The following TMEM117 variants were observed in gnomAD, a reference collection of about 807,000 sequenced individuals.
The protein encoded by TMEM117 is transmembrane protein 117.
In TMEM117, 27 loss-of-function variants were observed where a neutral mutation model predicts 52.4. The observed-to-expected ratio is 0.51, with a 90% CI of 0.38 to 0.71. TMEM117 has a LOEUF of 0.71. TMEM117 is among the 30% of genes least tolerant of loss of function. The pLI, the probability that TMEM117 is intolerant of heterozygous loss-of-function variation, is 0.00. For synonymous variants in TMEM117, 215 were observed against 206.3 expected (o/e 1.04, Z -0.36); for missense variants, 556 against 630.5 (o/e 0.88, Z 1.26).
chr12:44,312,404 C>T (rs375862570), intron 6 of TMEM117, among the ~76,000 whole-genome samples: 15 of 151,996 alleles, frequency 9.9e-5, no homozygotes, highest in East Asian at 5.8e-4. Context: ...GGATGACGGC[C>T]TTCAGATGAA....
At position 44,095,597 on chromosome 12, in the gene TMEM117, A is replaced by G. The variant is rs566079131; in HGVS notation, c.411-47928A>G. ...AAGTAGGCCTTTAGATTCAAGAGAAAGTTGCAGAGAAAAAGCCTGGAAGAT... is the reference window on the plus strand; with the variant it reads ...AAGTAGGCCTTTAGATTCAAGAGAAGGTTGCAGAGAAAAAGCCTGGAAGAT... On this transcript the variant is annotated intron_variant, in intron 3 of 7. Coordinates refer to ENST00000266534, the MANE Select transcript of TMEM117 (RefSeq NM_032256.3). 2.9e-4 allele frequency among the ~76,000 whole-genome samples: 44 copies of G among 152,214 alleles called. 3 individuals carry two copies. The South Asian group carries it at 9.1e-3, about 32-fold the overall frequency.
intron 3 of TMEM117, among the ~76,000 whole-genome samples, chr12:43,986,753 T>G (rs2137736911): frequency 6.6e-6 from 1 of 152,288 alleles, no homozygotes; most frequent in East Asian, 1.9e-4. Flanking sequence ...TTTCTCTTAA[T>G]CATTCTGTCT....
chr12:44,118,040 A>T (rs1444567822), intron 3 of TMEM117, among the ~76,000 whole-genome samples: 1 of 146,390 alleles, frequency 6.8e-6, no homozygotes, highest in African/African-American at 2.5e-5. Context: ...TTCTTTATTA[A>T]AAAAAAAACA....
At chr12:44,059,014 A>T (rs1371315504) in intron 3 of TMEM117, among the ~76,000 whole-genome samples, 2 of 152,166 alleles carry the variant, frequency 1.3e-5, no homozygotes, top group African/African-American at 4.8e-5. Flanking sequence ...TTAGATCATC[A>T]GGCATTAGTT....
At chr12:43,824,909 G>C in the TMEM117 span, among the ~76,000 whole-genome samples, 6 of 152,216 alleles carry the variant, frequency 3.9e-5, no homozygotes, top group African/African-American at 1.4e-4. Flanking sequence ...ACCCCAGCCT[G>C]GGCGACAGAG....
chr12:44,124,193 A>C (rs555345407), intron 3 of TMEM117, among the ~76,000 whole-genome samples: 5 of 151,938 alleles, frequency 3.3e-5, no homozygotes, highest in Non-Finnish European at 5.9e-5. Flanking sequence ...TTTGTGATTC[A>C]GCTTTCCACT....
chr12:44,355,738 T>G (rs1951638564), intron 6 of TMEM117, among the ~76,000 whole-genome samples: 1 of 151,980 alleles, frequency 6.6e-6, no homozygotes, highest in Non-Finnish European at 1.5e-5. Flanking sequence ...CACTGAAGAC[T>G]CCTGCTTTGT....
chr12:44,343,687 TAC>T (rs1307634359), intron 6 of TMEM117, among the ~76,000 whole-genome samples: 1 of 152,158 alleles, frequency 6.6e-6, no homozygotes, highest in African/African-American at 2.4e-5. Context: ...TATTAAATTA[TAC>T]ACTTAAAAAT....
In TMEM117 at chr12:44,225,571, A is replaced by G. The variant is rs140213701; in HGVS notation, c.608+14184A>G. 2.3e-3 allele frequency among the ~76,000 whole-genome samples: 351 copies of G among 152,314 alleles called. 11 individuals carry two copies. In the East Asian group the frequency reaches 0.034, roughly 15 times the overall value. On this transcript the variant is annotated intron_variant, in intron 5 of 7. Transcript: ENST00000266534. ...TGAATTCTAATTTCACACCTACATT[A>G]TATGAAGATACTTTTATCATTTTTC...
Position 44,388,609 on chromosome 12 carries a change from A to G in TMEM117, c.1482A>G (p.Glu494=), listed in dbSNP as rs1204472757. ...TSENLSSQLN[E]STSATEADQD... ...AAAACTTGAGCTCACAGTTGAACGAATCTACTAGTGCAACAGAAGCTGATC... is the reference window on the plus strand; with the variant it reads ...AAAACTTGAGCTCACAGTTGAACGAGTCTACTAGTGCAACAGAAGCTGATC... Residue 494 remains glutamate, a synonymous_variant, in exon 8 of 8, where the codon GAA becomes GAG. Transcript: ENST00000266534. 1.9e-6 allele frequency: 3 copies of G among 1,613,404 alleles called. No homozygotes were observed. The highest frequency in any genetic ancestry group is 2.5e-6 in the Non-Finnish European group (3 of 1,179,584).
At chr12:44,117,122 C>G (rs1265734417) in intron 3 of TMEM117, among the ~76,000 whole-genome samples, 3 of 152,172 alleles carry the variant, frequency 2.0e-5, no homozygotes, top group Non-Finnish European at 4.4e-5. Flanking sequence ...CTCTAACTCC[C>G]TAGTTTTCCA....
At chr12:44,224,503 GTCT>G (rs925878568) in intron 5 of TMEM117, among the ~76,000 whole-genome samples, 8 of 149,598 alleles carry the variant, frequency 5.3e-5, no homozygotes, top group South Asian at 2.1e-4. Context: ...TGCTTTCTTT[GTCT>G]TCTTCTTCTC....
intron 5 of TMEM117, among the ~76,000 whole-genome samples, chr12:44,221,247 G>A (rs1949784643): frequency 6.6e-6 from 1 of 152,062 alleles, no homozygotes; most frequent in Non-Finnish European, 1.5e-5. Context: ...TTAAAATACT[G>A]TATCCTAGTT....
intron 4 of TMEM117, among the ~76,000 whole-genome samples, chr12:44,192,118 A>G (rs554322594): frequency 3.9e-5 from 6 of 152,170 alleles, no homozygotes; most frequent in Admixed American, 1.3e-4. Context: ...TATATACTCA[A>G]TCTTAGAGGA....
At chr12:43,822,629 A>G in the TMEM117 span, among the ~76,000 whole-genome samples, 1 of 152,098 alleles carries the variant, frequency 6.6e-6, no homozygotes, top group Non-Finnish European at 1.5e-5. Flanking sequence ...TGATATGTTT[A>G]CCTGTCTCTA....
chr12:44,366,231 C>T (rs1223525486), intron 6 of TMEM117, among the ~76,000 whole-genome samples: 1 of 151,964 alleles, frequency 6.6e-6, no homozygotes, highest in East Asian at 1.9e-4. Flanking sequence ...CTGTAGCCAC[C>T]TCAGGCTTTG....
chr12:44,273,290 C>T (rs1194598683), intron 5 of TMEM117, among the ~76,000 whole-genome samples: 1 of 151,926 alleles, frequency 6.6e-6, no homozygotes, highest in Non-Finnish European at 1.5e-5. Context: ...GGGTGCAGCA[C>T]ACCAACATGG....
chr12:44,325,880 G>T (rs183360531), intron 6 of TMEM117, among the ~76,000 whole-genome samples: 77 of 152,302 alleles, frequency 5.1e-4, no homozygotes, highest in Non-Finnish European at 4.4e-4. Flanking sequence ...GCATGTGAAG[G>T]CTGGGTGCAG....
At chr12:44,082,628 AAAT>A (rs1341043476) in intron 3 of TMEM117, among the ~76,000 whole-genome samples, 1 of 152,118 alleles carries the variant, frequency 6.6e-6, no homozygotes, top group Non-Finnish European at 1.5e-5. Flanking sequence ...TACAACTATC[AAAT>A]AATAATTATG....
Sources: allele counts gnomAD v4.1 joint callset (sites outside exome capture counted in the v4.1 genomes callset), GRCh38; gene constraint gnomAD v4.1.1; transcripts MANE v1.5; gene names NCBI Gene and HGNC (gene_info 2026-07-23, HGNC 2026-07-21).